The following ANO1 variants were observed in gnomAD, a reference collection of about 807,000 sequenced individuals.
ANO1 encodes the protein anoctamin-1.
Under a neutral mutation model 124.0 loss-of-function variants are expected in ANO1, and 59 were observed. The observed-to-expected ratio is 0.48, with a 90% CI of 0.39 to 0.59. ANO1 has a LOEUF of 0.59. ANO1 is among the 20% of genes least tolerant of loss of function. The pLI, the probability that ANO1 is intolerant of heterozygous loss-of-function variation, is 0.00. For missense variants in ANO1, 1,059 were observed against 1,328.0 expected (o/e 0.80, Z 3.15); for synonymous variants, 529 against 532.0 (o/e 0.99, Z 0.08).
At chr11:69,967,295 C>A in the ANO1 span, among the ~76,000 whole-genome samples, 2 of 151,658 alleles carry the variant, frequency 1.3e-5, no homozygotes, top group South Asian at 2.1e-4. Flanking sequence ...AGGCTCCGAG[C>A]GCCTGTATCG....
At chr11:69,973,644 C>T in the ANO1 span, among the ~76,000 whole-genome samples, 3 of 152,070 alleles carry the variant, frequency 2.0e-5, no homozygotes, top group African/African-American at 7.2e-5. Flanking sequence ...GAGGCCGAAG[C>T]GGGTGGATCA....
upstream of ANO1, among the ~76,000 whole-genome samples, chr11:70,077,570 C>T (rs920521885): frequency 2.6e-5 from 4 of 152,126 alleles, no homozygotes; most frequent in African/African-American, 9.7e-5. Context: ...AGATCAAAGC[C>T]ACCATCCCCC....
chr11:69,975,914 C>CA, the ANO1 span, among the ~76,000 whole-genome samples: 1 of 152,126 alleles, frequency 6.6e-6, no homozygotes, highest in Admixed American at 6.5e-5. Context: ...ACTCATGTAC[C>CA]ATGCTGTGTT....
At chr11:69,987,604 C>CAAAAAAAAAAAAAAAAA (rs202001305) in intron 1 of ANO1, among the ~76,000 whole-genome samples, 2 of 109,738 alleles carry the variant, frequency 1.8e-5, no homozygotes, top group African/African-American at 8.6e-5. Flanking sequence ...GACCATGTCT[C>CAAAAAAAAAAAAAAAAA]AAAAAAAAAA....
At chr11:70,043,358 C>A (rs1348141898) in intron 1 of ANO1, among the ~76,000 whole-genome samples, 2 of 152,036 alleles carry the variant, frequency 1.3e-5, no homozygotes, top group Admixed American at 1.3e-4. Flanking sequence ...ACCAAGTAGT[C>A]CAACATACCT....
At chr11:70,151,894 G>T (rs2047615363) in intron 12 of ANO1, among the ~76,000 whole-genome samples, 1 of 152,076 alleles carries the variant, frequency 6.6e-6, no homozygotes, top group Non-Finnish European at 1.5e-5. Flanking sequence ...GGAAATTTGG[G>T]GAATTTCCAA....
chr11:70,022,043 C>T (rs908594667), intron 1 of ANO1, among the ~76,000 whole-genome samples: 1 of 152,166 alleles, frequency 6.6e-6, no homozygotes, highest in East Asian at 1.9e-4. Flanking sequence ...GGGTTGGGCC[C>T]CTTCCCTCCT....
chr11:70,066,969 G>A (rs1857742292), intron 1 of ANO1, among the ~76,000 whole-genome samples: 1 of 152,222 alleles, frequency 6.6e-6, no homozygotes, highest in South Asian at 2.1e-4. Flanking sequence ...CCCCCCAGCG[G>A]GGAGGCCAGT....
the ANO1 span, among the ~76,000 whole-genome samples, chr11:69,970,082 G>A: frequency 5.3e-5 from 8 of 152,218 alleles, no homozygotes; most frequent in Non-Finnish European, 1.2e-4. Context: ...TTGCAGGGGT[G>A]AGGGTGACGT....
At chr11:70,170,777 G>A in intron 21 of ANO1, 110 bp from the exon 22 acceptor site, 1 of 1,388,228 alleles carries the variant, frequency 7.2e-7, no homozygotes, top group Non-Finnish European at 9.7e-7. Flanking sequence ...TGGGCTCGTT[G>A]GAGGTGGGGC....
rs531086838 is a variant in ANO1 at position 70,024,991 on chromosome 11, T to C, written c.58+38825T>C. ...CTGCAAGGACTTGGTGCTGAAATGC[T>C]GGGCTCCAGTGACATCTGAGCATCT... On this transcript the variant is annotated intron_variant, in intron 1 of 27. Transcript: ENST00000531349. Among the ~76,000 whole-genome samples, 5 of 152,334 alleles carry C rather than the reference T, an allele frequency of 3.3e-5. No homozygotes were observed. The South Asian group carries it at 1.0e-3, about 32-fold the overall frequency.
intron 20 of ANO1, 64 bp downstream of exon 20, chr11:70,165,634 C>T: frequency 7.2e-7 from 1 of 1,383,270 alleles, no homozygotes; most frequent in East Asian, 2.5e-5. Context: ...GTGTGGGTGG[C>T]TCCTGCGGGG....
intron 11 of ANO1, among the ~76,000 whole-genome samples, chr11:70,145,421 G>C (rs1439388608): frequency 6.6e-6 from 1 of 152,188 alleles, no homozygotes; most frequent in African/African-American, 2.4e-5. Context: ...GCTTTTAAAG[G>C]AGAAGCAGGA....
the ANO1 span, among the ~76,000 whole-genome samples, chr11:69,979,630 G>C: frequency 2.0e-5 from 3 of 152,090 alleles, no homozygotes; most frequent in Non-Finnish European, 2.9e-5. Context: ...TCAAGTATGC[G>C]GGACTCAGGG....
chr11:70,174,538 C>T (rs559831847), intron 22 of ANO1, among the ~76,000 whole-genome samples: 4 of 152,316 alleles, frequency 2.6e-5, no homozygotes, highest in Admixed American at 2.6e-4. Context: ...CTCAGCATAG[C>T]GCTGCTTTGA....
chr11:70,032,759 G>T (rs1377764070), intron 1 of ANO1, among the ~76,000 whole-genome samples: 1 of 152,060 alleles, frequency 6.6e-6, no homozygotes, highest in Non-Finnish European at 1.5e-5. Context: ...TGCCTTTTTT[G>T]TCTTCAAATT....
chr11:70,153,819 G>A (rs976302308), intron 14 of ANO1, among the ~76,000 whole-genome samples: 1 of 152,104 alleles, frequency 6.6e-6, no homozygotes, highest in Admixed American at 6.6e-5. Flanking sequence ...AGGATGGACT[G>A]CAATGGCATG....
chr11:69,966,380 A>G, the ANO1 span, among the ~76,000 whole-genome samples: 2 of 152,118 alleles, frequency 1.3e-5, no homozygotes, highest in African/African-American at 4.8e-5. Flanking sequence ...CACACCTGCC[A>G]CCTGGTTTTC....
intron 12 of ANO1, 122 bp from the exon 13 acceptor site, chr11:70,152,328 C>T (rs2047636233): frequency 1.1e-6 from 1 of 882,114 alleles, no homozygotes; most frequent in African/African-American, 1.9e-5. Flanking sequence ...GAGCAAGACT[C>T]CATCTCAAAA....
Sources: allele counts gnomAD v4.1 joint callset (sites outside exome capture counted in the v4.1 genomes callset), GRCh38; gene constraint gnomAD v4.1.1; transcripts MANE v1.5; gene names NCBI Gene and HGNC (gene_info 2026-07-23, HGNC 2026-07-21).